Variants in CYP4F22 observed in about 807,000 individuals in gnomAD.
The protein encoded by CYP4F22 is cytochrome P450 family 4 subfamily F member 22.
In CYP4F22, 37 loss-of-function variants were observed where a neutral mutation model predicts 60.4. The ratio of observed to expected loss-of-function variants is 0.61; its 90% CI spans 0.47 to 0.81. The LOEUF is 0.81. Ranked by LOEUF, CYP4F22 falls within the 30% of genes least tolerant of loss-of-function variation. The pLI is 0.00. For synonymous variants in CYP4F22, 258 were observed against 280.5 expected (o/e 0.92, Z 0.80); for missense variants, 655 against 715.0 (o/e 0.92, Z 0.96).
intron 1 of CYP4F22, among the ~76,000 whole-genome samples, chr19:15,514,440 C>T (rs1385216177): frequency 6.6e-6 from 1 of 152,178 alleles, no homozygotes; most frequent in East Asian, 1.9e-4. Flanking sequence ...GTAATCCCAG[C>T]ACTTTGGGAG....
At position 15,551,156 on chromosome 19, in the gene CYP4F22, C is replaced by T. The variant is rs932566353; in HGVS notation, c.1419-138C>T. 10 of 1,137,720 alleles carry T rather than the reference C, an allele frequency of 8.8e-6. No homozygotes were observed. The African/African-American group carries it at 1.2e-4, about 14-fold the overall frequency. The allele number at this position is 1,137,720 out of a possible 1,614,324, so 70.5% of individuals were successfully genotyped here. On this transcript the variant is annotated intron_variant, in intron 13 of 13. Transcript: ENST00000269703. ...AGCGATCCGTGGGGTCTCACTTTAA[C>T]CCTCACCCAGCGTGGGGTTTCACTT...
intron 8 of CYP4F22, among the ~76,000 whole-genome samples, chr19:15,542,481 GA>G (rs1473506490): frequency 6.6e-6 from 1 of 152,160 alleles, no homozygotes; most frequent in Non-Finnish European, 1.5e-5. Flanking sequence ...AGGTTGTAGT[GA>G]GCCAAGATTG....
At chr19:15,537,438 G>A (rs1971409122) in intron 5 of CYP4F22, 24 bp downstream of exon 5, 2 of 1,614,048 alleles carry the variant, frequency 1.2e-6, no homozygotes, top group Non-Finnish European at 8.5e-7. Flanking sequence ...GGGTAGGCTG[G>A]GGCTGGGGCT....
At chr19:15,547,198 G>GT (rs1353011894) in intron 10 of CYP4F22, among the ~76,000 whole-genome samples, 1 of 151,206 alleles carries the variant, frequency 6.6e-6, no homozygotes, top group Admixed American at 6.6e-5. Context: ...TAATTTTTGT[G>GT]TTTTTTAGTA....
At chr19:15,549,112 C>T (rs1242152439) in intron 11 of CYP4F22, 26 bp from the exon 12 acceptor site, 1 of 1,613,806 alleles carries the variant, frequency 6.2e-7, no homozygotes. Context: ...TCCCCTTGGC[C>T]CCACTGATCC....
chr19:15,520,430 C>G (rs1971210117), intron 1 of CYP4F22, among the ~76,000 whole-genome samples: 1 of 145,988 alleles, frequency 6.8e-6, no homozygotes. Flanking sequence ...GAGTTTTGCT[C>G]TTGTCACCAT....
chr19:15,522,923 C>T (rs1195065432), intron 1 of CYP4F22, among the ~76,000 whole-genome samples: 1 of 150,966 alleles, frequency 6.6e-6, no homozygotes, highest in Non-Finnish European at 1.5e-5. Context: ...GTTGTCCAGG[C>T]TGGTCTTGAA....
In CYP4F22 at chr19:15,551,888, A is replaced by ACCCCCCC. The variant is rs886054265; in HGVS notation, c.*421_*422insCCCCCCC. 1 of 159,412 alleles carries ACCCCCCC rather than the reference A, an allele frequency of 6.3e-6. No homozygotes were observed. The highest frequency in any genetic ancestry group is 2.8e-5 in the African/African-American group (1 of 35,174). The allele number at this position is 159,412 out of a possible 1,614,324, so 9.9% of individuals were successfully genotyped here. A position where few individuals can be genotyped will look rare whatever the true frequency, so the allele number is the denominator to read the frequency against. ...CCACCTATGACTCAGGGCCCACCACACCCCACCCCCCCCCAACTGGCTGAA... is the reference window on the plus strand; with the variant it reads ...CCACCTATGACTCAGGGCCCACCACACCCCCCCCCCCACCCCCCCCCAACTGGCTGAA... On this transcript the variant is annotated 3_prime_UTR_variant, in exon 14 of 14. Coordinates refer to ENST00000269703, the MANE Select transcript of CYP4F22 (RefSeq NM_173483.4).
chr19:15,510,624 G>A (rs1299726009), intron 1 of CYP4F22, among the ~76,000 whole-genome samples: 1 of 152,118 alleles, frequency 6.6e-6, no homozygotes, highest in Non-Finnish European at 1.5e-5. Flanking sequence ...GATTATTAGT[G>A]GTTTTAAAAC....
intron 13 of CYP4F22, 21 bp downstream of exon 13, chr19:15,550,777 AGTC>A (rs1971586006): frequency 6.2e-7 from 1 of 1,612,704 alleles, no homozygotes. Context: ...TATTTCCCCT[AGTC>A]CAAGCCAGCT....
At chr19:15,518,328 C>A (rs1365744220) in intron 1 of CYP4F22, among the ~76,000 whole-genome samples, 1 of 151,702 alleles carries the variant, frequency 6.6e-6, no homozygotes, top group Non-Finnish European at 1.5e-5. Flanking sequence ...CACAGCAAGA[C>A]CCTGCCTCTA....
At chr19:15,526,661 A>C (rs947270599) in intron 3 of CYP4F22, among the ~76,000 whole-genome samples, 15 of 152,082 alleles carry the variant, frequency 9.9e-5, no homozygotes, top group African/African-American at 3.6e-4. Context: ...CAGCCTGTCA[A>C]GCTCTAGCCT....
chr19:15,511,880 G>T (rs557794763), intron 1 of CYP4F22, among the ~76,000 whole-genome samples: 3 of 152,354 alleles, frequency 2.0e-5, no homozygotes, highest in Admixed American at 2.0e-4. Flanking sequence ...AGCGCGACCT[G>T]GGCGTGGGCC....
At chr19:15,550,488 T>A (rs1568364882) in intron 12 of CYP4F22, among the ~76,000 whole-genome samples, 186 bp from the exon 13 acceptor site, 1 of 152,254 alleles carries the variant, frequency 6.6e-6, no homozygotes, top group African/African-American at 2.4e-5. Context: ...GGAATCTCAC[T>A]GGTGCGTGTG....
chr19:15,530,966 G>T (rs1033000455), intron 4 of CYP4F22, among the ~76,000 whole-genome samples: 4 of 152,156 alleles, frequency 2.6e-5, no homozygotes, highest in Admixed American at 2.6e-4. Flanking sequence ...AGTAGGTCAG[G>T]CATGGTGGTT....
At position 15,529,864 on chromosome 19, in the gene CYP4F22, T is replaced by G; in HGVS notation, c.367+11T>G. On this transcript the variant is annotated intron_variant, in intron 4 of 13. Transcript: ENST00000269703. ...TTTTGGGAGCCTCAGGTACGTGGGC[T>G]GGGCCTCCGATCTATGGTTGAGTCC... 6.2e-7 allele frequency: 1 copy of G among 1,613,840 alleles called. No homozygotes were observed.
At chr19:15,532,718 C>G (rs73929925) in intron 4 of CYP4F22, among the ~76,000 whole-genome samples, 2,512 of 152,150 alleles carry the variant, frequency 0.017, 77 homozygotes, top group African/African-American at 0.058. Context: ...TCTCCTCCCC[C>G]TCAGAGCATC....
intron 4 of CYP4F22, 119 bp downstream of exon 4, chr19:15,529,972 A>G: frequency 1.4e-6 from 2 of 1,437,878 alleles, no homozygotes; most frequent in Non-Finnish European, 2.0e-6. Context: ...TGAAGGATGA[A>G]TAAGAGTTTG....
intron 1 of CYP4F22, among the ~76,000 whole-genome samples, chr19:15,510,359 C>T (rs546576342): frequency 1.3e-5 from 2 of 152,234 alleles, no homozygotes; most frequent in African/African-American, 4.8e-5. Context: ...AACGTGATGG[C>T]AGCACCAACG....
Sources: allele counts gnomAD v4.1 joint callset (sites outside exome capture counted in the v4.1 genomes callset), GRCh38; gene constraint gnomAD v4.1.1; transcripts MANE v1.5; gene names NCBI Gene and HGNC (gene_info 2026-07-23, HGNC 2026-07-21).